Variants in PCDHA12 observed in about 807,000 individuals in gnomAD.
PCDHA12 encodes protocadherin alpha-12.
Under a neutral mutation model 60.0 loss-of-function variants are expected in PCDHA12, and 44 were observed. The ratio of observed to expected loss-of-function variants is 0.73; its 90% confidence interval spans 0.58 to 0.94. The LOEUF (loss-of-function observed/expected upper bound fraction) is 0.94, where lower values mean the gene tolerates loss of function less well. PCDHA12 is among the 40% of genes least tolerant of loss of function. The pLI is 0.00. For synonymous variants in PCDHA12, 569 were observed against 553.0 expected, an observed-to-expected ratio of 1.03 and a Z score of -0.40; for missense variants, 1,276 against 1,239.7, an observed-to-expected ratio of 1.03 and a Z score of -0.44.
rs1327477761 is a variant in PCDHA12, at chr5:140,875,564, T to C, written c.92T>C (p.Leu31Pro). ...GCCTGGGAGGTGGGGAGCGGCCAGC[T>C]CCACTACTCCGTCTACGAGGAGGCC... ...LAAWEVGSGQ[L>P]HYSVYEEAKH... The change falls in exon 1 of 4, where the codon CTC becomes CCC. Residue 31 changes from leucine to proline, a missense_variant. Leu to Pro is a moderately conservative substitution (Grantham distance 98, BLOSUM62 -3). Coordinates refer to ENST00000398631, the MANE Select transcript of PCDHA12 (RefSeq NM_018903.4). 6.2e-7 allele frequency: 1 copy of C among 1,614,048 alleles called. No individual in the cohort carries two copies. Among genetic ancestry groups the C allele is most frequent in the African/African-American group, 1.3e-5 (1 of 75,016 alleles).
chr5:140,947,543 G>A (rs1013985097), intron 1 of PCDHA12, among the ~76,000 whole-genome samples: 1 of 151,548 alleles, frequency 6.6e-6, no homozygotes, highest in African/African-American at 2.4e-5. Context: ...TTTCTACAAA[G>A]AATTCCGCTG....
intron 3 of PCDHA12, 40 bp downstream of exon 3, chr5:140,982,603 G>A: frequency 6.2e-7 from 1 of 1,607,892 alleles, no homozygotes; most frequent in East Asian, 2.2e-5. Context: ...TTGGTTTCTG[G>A]AAAGTGATCA....
intron 1 of PCDHA12, among the ~76,000 whole-genome samples, chr5:140,918,972 A>G (rs782748846): frequency 6.6e-5 from 10 of 152,184 alleles, no homozygotes; most frequent in Non-Finnish European, 1.3e-4. Flanking sequence ...GATATCGTTT[A>G]GGTTAGTTGG....
rs77098340 is a variant in PCDHA12 at position 140,895,412 on chromosome 5, C to T, written c.2367+17573C>T. 8.0e-3 allele frequency among the ~76,000 whole-genome samples: 1,218 copies of T among 152,216 alleles called. 6 individuals carry two copies. Among genetic ancestry groups the T allele is most frequent in the African/African-American group, 0.019 (785 of 41,528 alleles). On this transcript the variant is annotated intron_variant, in intron 1 of 3. Coordinates refer to ENST00000398631, the MANE Select transcript of PCDHA12 (RefSeq NM_018903.4). The stretch of plus-strand genomic sequence containing the variant: ...CTCAACACCATCAAAAGCCCCATAA[C>T]CTTCTTTTGCTTCCTCCTGAGACTC...
chr5:140,926,495 T>G (rs1033428952), intron 1 of PCDHA12: 3 of 181,806 alleles, frequency 1.7e-5, no homozygotes, highest in Non-Finnish European at 3.4e-5. Flanking sequence ...TGTTAGTGTC[T>G]CGGGGCGTCT....
chr5:140,977,701 G>A (rs1299788207), intron 1 of PCDHA12, among the ~76,000 whole-genome samples: 2 of 152,146 alleles, frequency 1.3e-5, no homozygotes, highest in African/African-American at 4.8e-5. Context: ...AAATCTGTCT[G>A]AATATTGAGA....
intron 1 of PCDHA12, chr5:140,927,810 G>A: frequency 2.5e-6 from 4 of 1,614,200 alleles, no homozygotes; most frequent in Non-Finnish European, 3.4e-6. Flanking sequence ...AAACGCTCTT[G>A]GAGGCATACA....
intron 1 of PCDHA12, among the ~76,000 whole-genome samples, chr5:140,976,117 G>C (rs782098917): frequency 5.4e-4 from 82 of 152,208 alleles, no homozygotes; most frequent in Admixed American, 1.4e-3. Flanking sequence ...ATTTTTCCAA[G>C]TTTAATCAAG....
intron 1 of PCDHA12, among the ~76,000 whole-genome samples, chr5:140,891,754 T>C (rs1221942340): frequency 6.6e-6 from 1 of 152,174 alleles, no homozygotes; most frequent in Non-Finnish European, 1.5e-5. Flanking sequence ...ACAACAGTGT[T>C]GGGAGGTGGG....
At chr5:140,931,717 C>G (rs2087694120) in intron 1 of PCDHA12, among the ~76,000 whole-genome samples, 1 of 151,872 alleles carries the variant, frequency 6.6e-6, no homozygotes, top group Admixed American at 6.6e-5. Flanking sequence ...AAAATAACTT[C>G]TATAAATATG....
intron 1 of PCDHA12, among the ~76,000 whole-genome samples, chr5:140,878,696 A>G (rs570754583): frequency 6.6e-6 from 1 of 152,360 alleles, no homozygotes; most frequent in East Asian, 1.9e-4. Context: ...TACATACCCC[A>G]GCCTGGTAGT....
At chr5:140,969,260 C>G (rs782595245) in intron 1 of PCDHA12, 1 of 1,614,228 alleles carries the variant, frequency 6.2e-7, no homozygotes, top group South Asian at 1.1e-5. Context: ...CAGCAGGAAT[C>G]TCACAGGCCA....
chr5:140,894,375 T>A (rs1246573357), intron 1 of PCDHA12, among the ~76,000 whole-genome samples: 1 of 152,054 alleles, frequency 6.6e-6, no homozygotes, highest in African/African-American at 2.4e-5. Flanking sequence ...ATGGCTCCAA[T>A]TATATTTGTA....
chr5:140,937,835 C>T (rs782666689), intron 1 of PCDHA12, among the ~76,000 whole-genome samples: 3 of 151,520 alleles, frequency 2.0e-5, no homozygotes, highest in Non-Finnish European at 2.9e-5. Context: ...TGGCATGAAC[C>T]TGGAAGGCGG....
At position 140,982,579 on chromosome 5, in the gene PCDHA12, C is replaced by G. The variant is rs781915481; in HGVS notation, c.2515+16C>G. 7 of 1,612,084 alleles carry G rather than the reference C, an allele frequency of 4.3e-6. No individual in the cohort carries two copies. In the Admixed American group the frequency reaches 1.2e-4, roughly 27 times the overall value. On this transcript the variant is annotated intron_variant, in intron 3 of 3. Coordinates refer to ENST00000398631, the MANE Select transcript of PCDHA12 (RefSeq NM_018903.4). ...GCAACACCAGGTAAAGAGCTGGGGT[C>G]TCTCCATTCTTTCTTGGTTTCTGGA...
intron 1 of PCDHA12, among the ~76,000 whole-genome samples, chr5:140,879,793 C>T (rs1417873343): frequency 2.0e-5 from 3 of 152,192 alleles, no homozygotes; most frequent in Admixed American, 6.5e-5. Flanking sequence ...GTTTTTGTTT[C>T]TTCCAGTTTC....
chr5:140,928,128 A>C (rs782708968), intron 1 of PCDHA12: 1 of 1,614,194 alleles, frequency 6.2e-7, no homozygotes, highest in Admixed American at 1.7e-5. Context: ...GTGAATACCA[A>C]GTCCTGATCA....
At position 140,890,629 on chromosome 5, in the gene PCDHA12, A is replaced by T. The variant is rs6883083; in HGVS notation, c.2367+12790A>T. On this transcript the variant is annotated intron_variant, in intron 1 of 3. Transcript: ENST00000398631. ...TAGTGCTTACCCTAGAAAATTAAGCATGTATCCTTGATATATCAAAATCAA... is the reference window on the plus strand; with the variant it reads ...TAGTGCTTACCCTAGAAAATTAAGCTTGTATCCTTGATATATCAAAATCAA... Among the ~76,000 whole-genome samples, 1,394 of 152,274 alleles carry T rather than the reference A, an allele frequency of 9.2e-3. 17 individuals are homozygous for T. Among genetic ancestry groups the T allele is most frequent in the African/African-American group, 0.032 (1,348 of 41,546 alleles).
chr5:141,000,418 T>TAA (rs2097924814), intron 3 of PCDHA12, among the ~76,000 whole-genome samples: 1 of 83,682 alleles, frequency 1.2e-5, no homozygotes, highest in Non-Finnish European at 2.2e-5. Context: ...TATATATATA[T>TAA]ATATTTTTTT....
Sources: gnomAD v4.1 joint callset for allele counts (sites outside exome capture counted in the v4.1 genomes callset) on GRCh38, gnomAD v4.1.1 for gene constraint, MANE v1.5 for transcripts, NCBI Gene and HGNC (gene_info 2026-07-23, HGNC 2026-07-21) for gene names.